MGAT4A: variants seen among roughly 807,000 people sequenced by gnomAD.
MGAT4A encodes the protein N-acetylglucosaminyltransferase IVa.
A neutral mutation model predicts 74.1 loss-of-function variants in MGAT4A; 33 were observed. The ratio of observed to expected loss-of-function variants is 0.45; its 90% CI spans 0.34 to 0.60. The LOEUF (loss-of-function observed/expected upper bound fraction) is 0.60, where lower values mean the gene tolerates loss of function less well. MGAT4A is among the 20% of genes least tolerant of loss of function. MGAT4A has a pLI of 0.02. For synonymous variants in MGAT4A, 198 were observed against 210.4 expected, an observed-to-expected ratio of 0.94 and a Z score of 0.51; for missense variants, 479 against 628.3, an observed-to-expected ratio of 0.76 and a Z score of 2.54.
At chr2:98,660,834 A>G (rs1355357173) in intron 5 of MGAT4A, among the ~76,000 whole-genome samples, 1 of 152,184 alleles carries the variant, frequency 6.6e-6, no homozygotes, top group Non-Finnish European at 1.5e-5. Flanking sequence ...ACATAAGGGA[A>G]AAACTACACG....
rs1575254824 is a variant in MGAT4A at position 98,658,247 on chromosome 2, T to G, written c.555A>C (p.Val185=). 1 of 1,570,154 alleles carries G rather than the reference T, an allele frequency of 6.4e-7. No homozygotes were observed. Among genetic ancestry groups the G allele is most frequent in the Non-Finnish European group, 8.7e-7 (1 of 1,152,798 alleles). Residue 185 remains valine, a synonymous_variant, in exon 6 of 16, where the codon GTA becomes GTC. Transcript: ENST00000393487. Reference sequence around the variant, plus strand: ...TCTCCAGGTTGGCTACAACACCATGTACATAATCAATATCTGTCTGGGAAA... The same window carrying G: ...TCTCCAGGTTGGCTACAACACCATGGACATAATCAATATCTGTCTGGGAAA... ...VFIGETDIDY[V]HGVVANLEKE... is the part of the protein sequence containing the mutation.
In MGAT4A at chr2:98,658,350, TAAA is replaced by T. The variant is rs568134492; in HGVS notation, c.538-89_538-87del. The stretch of plus-strand genomic sequence containing the variant: ...ACTGAACTCGAAATTAAATGAATGA[TAAA>T]AACATTCATTAAAACCATACATTAA... On this transcript the variant is annotated intron_variant, in intron 5 of 15. Transcript: ENST00000393487. 6.1e-4 allele frequency: 449 copies of T among 738,034 alleles called. 2 individuals are homozygous for T. Among genetic ancestry groups the T allele is most frequent in the South Asian group, 3.1e-3 (164 of 53,332 alleles). The allele number at this position is 738,034 out of a possible 1,614,324, so 45.7% of individuals were successfully genotyped here. A position where few individuals can be genotyped will look rare whatever the true frequency, so the allele number is the denominator to read the frequency against.
chr2:98,621,959 G>C lies in MGAT4A; in HGVS notation c.*3607C>G. 1 of 990,694 alleles carries C rather than the reference G, an allele frequency of 1.0e-6. No individual in the cohort carries two copies. The highest frequency in any genetic ancestry group is 1.2e-6 in the Non-Finnish European group (1 of 833,410). 61.4% of individuals were successfully genotyped at this position (990,694 alleles called of 1,614,324 possible). Reference sequence around the variant, plus strand: ...ACAAATACACACATACGTATCTACAGCCTATGTGCTAAATAATCCTTTGTG... The same window carrying C: ...ACAAATACACACATACGTATCTACACCCTATGTGCTAAATAATCCTTTGTG... On this transcript the variant is annotated 3_prime_UTR_variant, in exon 16 of 16. Transcript: ENST00000393487.
At chr2:98,637,595 G>C (rs1701341699) in intron 12 of MGAT4A, among the ~76,000 whole-genome samples, 1 of 152,106 alleles carries the variant, frequency 6.6e-6, no homozygotes, top group South Asian at 2.1e-4. Flanking sequence ...GTGGGGAAGG[G>C]AGGAAACTAG....
chr2:98,721,515 G>A (rs1372153979), intron 2 of MGAT4A, among the ~76,000 whole-genome samples: 1 of 152,044 alleles, frequency 6.6e-6, no homozygotes, highest in East Asian at 1.9e-4. Context: ...CACAGAGGAG[G>A]TAGGTGGAAA....
chr2:98,674,296 A>C (rs1041162143), intron 4 of MGAT4A, among the ~76,000 whole-genome samples: 1 of 152,222 alleles, frequency 6.6e-6, no homozygotes, highest in Non-Finnish European at 1.5e-5. Flanking sequence ...AGAAGAACAA[A>C]ATAATATTCT....
At chr2:98,656,534 C>T in intron 6 of MGAT4A, 69 bp from the exon 7 acceptor site, 1 of 1,030,032 alleles carries the variant, frequency 9.7e-7, no homozygotes, top group Non-Finnish European at 1.5e-6. Context: ...GCTCAATACA[C>T]TGTGTTTAAC....
intron 2 of MGAT4A, among the ~76,000 whole-genome samples, chr2:98,687,849 A>G (rs1200065808): frequency 6.6e-6 from 1 of 152,064 alleles, no homozygotes; most frequent in Non-Finnish European, 1.5e-5. Flanking sequence ...TCCCACTTTA[A>G]CTGTGGGAAC....
chr2:98,683,137 C>T (rs554444429), intron 2 of MGAT4A, among the ~76,000 whole-genome samples: 5 of 151,676 alleles, frequency 3.3e-5, no homozygotes, highest in South Asian at 2.1e-4. Context: ...CACTTTAAGA[C>T]GTGTCAAGGT....
chr2:98,689,646 A>C (rs184385249), intron 2 of MGAT4A, among the ~76,000 whole-genome samples: 1 of 152,256 alleles, frequency 6.6e-6, no homozygotes, highest in East Asian at 1.9e-4. Flanking sequence ...ACCATGGGGA[A>C]ACCCTGTCTC....
Position 98,625,035 on chromosome 2 carries a change from G to T in MGAT4A, c.*531C>A, listed in dbSNP as rs933234816. ...AAAAATATAGAAAGAACTTAAAAAAGCAAGGAAACTGGTTTTCAAAAAAAG... is the reference window on the plus strand; with the variant it reads ...AAAAATATAGAAAGAACTTAAAAAATCAAGGAAACTGGTTTTCAAAAAAAG... On this transcript the variant is annotated 3_prime_UTR_variant, in exon 16 of 16. Transcript: ENST00000393487. 3.5e-5 allele frequency: 34 copies of T among 982,878 alleles called. No homozygotes were observed. The African/African-American group carries it at 5.3e-4, about 15-fold the overall frequency. The allele number at this position is 982,878 out of a possible 1,614,324, so 60.9% of individuals were successfully genotyped here.
intron 2 of MGAT4A, chr2:98,695,090 G>GC (rs1702251212): frequency 7.2e-6 from 1 of 138,678 alleles, no homozygotes; most frequent in East Asian, 2.2e-4. Flanking sequence ...AGGCTGGAGT[G>GC]CTGTAGTGCA....
intron 2 of MGAT4A, among the ~76,000 whole-genome samples, chr2:98,678,762 G>T (rs1361189407): frequency 1.3e-5 from 2 of 151,990 alleles, no homozygotes; most frequent in East Asian, 3.9e-4. Flanking sequence ...AATGATAAAA[G>T]GTTTTAGAAT....
chr2:98,670,563 T>C (rs1701898118), intron 4 of MGAT4A, among the ~76,000 whole-genome samples: 1 of 152,268 alleles, frequency 6.6e-6, no homozygotes, highest in South Asian at 2.1e-4. Context: ...AATCTACCTT[T>C]AGTTATAACT....
At chr2:98,667,202 C>A (rs748270276) in intron 4 of MGAT4A, among the ~76,000 whole-genome samples, 3 of 152,192 alleles carry the variant, frequency 2.0e-5, no homozygotes, top group African/African-American at 4.8e-5. Context: ...TCCAATTAAA[C>A]CTCTTTCTTT....
At chr2:98,678,573 C>A in intron 2 of MGAT4A, 102 bp from the exon 3 acceptor site, 1 of 721,760 alleles carries the variant, frequency 1.4e-6, no homozygotes, top group Non-Finnish European at 1.9e-6. Context: ...TTGAGTTTTT[C>A]AGAAGAAAAT....
intron 2 of MGAT4A, among the ~76,000 whole-genome samples, chr2:98,682,356 A>G (rs1368324721): frequency 7.3e-6 from 1 of 137,610 alleles, no homozygotes; most frequent in African/African-American, 2.7e-5. Context: ...CGGGAGGCAG[A>G]GGCTGCAGTG....
chr2:98,699,950 A>T (rs998035047), intron 2 of MGAT4A, among the ~76,000 whole-genome samples: 3 of 152,114 alleles, frequency 2.0e-5, no homozygotes, highest in African/African-American at 7.2e-5. Flanking sequence ...CTGAGTCACG[A>T]TGTTTCTTAT....
intron 4 of MGAT4A, among the ~76,000 whole-genome samples, chr2:98,666,398 C>A (rs1335549950): frequency 1.3e-5 from 2 of 152,140 alleles, no homozygotes; most frequent in Admixed American, 6.6e-5. Context: ...GAATAATCTA[C>A]CTCAGAATTT....
Sources: allele counts gnomAD v4.1 joint callset (sites outside exome capture counted in the v4.1 genomes callset), GRCh38; gene constraint gnomAD v4.1.1; transcripts MANE v1.5; gene names NCBI Gene and HGNC (gene_info 2026-07-23, HGNC 2026-07-21).